MEF2C: variants seen among roughly 807,000 people sequenced by gnomAD.
MEF2C encodes myocyte-specific enhancer factor 2C.
Under a neutral mutation model 50.5 loss-of-function variants are expected in MEF2C, and 6 were observed. The observed-to-expected ratio is 0.12, with a 90% CI of 0.07 to 0.23. The LOEUF (loss-of-function observed/expected upper bound fraction) is 0.23. Ranked by LOEUF, MEF2C falls within the 10% of genes least tolerant of loss-of-function variation. MEF2C has a pLI of 1.00. For missense variants in MEF2C, 276 were observed against 605.0 expected (o/e 0.46, Z 5.70); for synonymous variants, 183 against 228.0 (o/e 0.80, Z 1.78).
chr5:88,779,967 A>T (rs1334928510), intron 3 of MEF2C, among the ~76,000 whole-genome samples: 4 of 152,048 alleles, frequency 2.6e-5, no homozygotes, highest in African/African-American at 7.2e-5. Flanking sequence ...CAAGATGGTG[A>T]AACCCCCTCT....
intron 1 of MEF2C, among the ~76,000 whole-genome samples, chr5:88,837,857 A>T (rs1204196222): frequency 6.6e-6 from 1 of 152,252 alleles, no homozygotes; most frequent in East Asian, 1.9e-4. Context: ...GAAGTTTAAT[A>T]AATACATAAT....
chr5:88,800,948 C>T (rs1015787923), intron 3 of MEF2C, among the ~76,000 whole-genome samples: 1 of 152,018 alleles, frequency 6.6e-6, no homozygotes, highest in Admixed American at 6.6e-5. Context: ...GTCTGTTAAG[C>T]CTTTGTGAGT....
At chr5:88,779,512 G>A (rs1786658754) in intron 3 of MEF2C, among the ~76,000 whole-genome samples, 1 of 152,092 alleles carries the variant, frequency 6.6e-6, no homozygotes, top group African/African-American at 2.4e-5. Flanking sequence ...CTTGTGCACA[G>A]TGAAATGGAA....
chr5:88,745,161 C>T (rs984739072), intron 6 of MEF2C, among the ~76,000 whole-genome samples: 3 of 152,188 alleles, frequency 2.0e-5, no homozygotes, highest in Non-Finnish European at 2.9e-5. Flanking sequence ...CAAACATTTA[C>T]CAAGTATCTG....
chr5:88,829,694 T>C (rs537401989), intron 1 of MEF2C, among the ~76,000 whole-genome samples: 1 of 152,028 alleles, frequency 6.6e-6, no homozygotes, highest in Non-Finnish European at 1.5e-5. Flanking sequence ...TATGTGGAAT[T>C]AGAATAATTG....
At chr5:88,789,171 C>CT (rs370986981) in intron 3 of MEF2C, among the ~76,000 whole-genome samples, 301 of 144,724 alleles carry the variant, frequency 2.1e-3, no homozygotes, top group Middle Eastern at 0.014. Context: ...TTTTGTAATA[C>CT]TTTTTTTTTT....
chr5:88,776,645 A>C (rs183041006), intron 3 of MEF2C, among the ~76,000 whole-genome samples: 11 of 152,320 alleles, frequency 7.2e-5, no homozygotes, highest in Admixed American at 6.5e-4. Flanking sequence ...AGAGGAAAGA[A>C]AGGGAGGGAG....
intron 1 of MEF2C, among the ~76,000 whole-genome samples, chr5:88,825,178 A>T (rs527458115): frequency 6.6e-6 from 1 of 151,922 alleles, no homozygotes; most frequent in South Asian, 2.1e-4. Flanking sequence ...AGTTCTTGGA[A>T]CAGGAAGGCT....
intron 3 of MEF2C, among the ~76,000 whole-genome samples, chr5:88,790,893 C>T (rs1288474435): frequency 6.6e-6 from 1 of 152,008 alleles, no homozygotes; most frequent in Non-Finnish European, 1.5e-5. Context: ...TTAGACAAAA[C>T]AAAAACAAAC....
chr5:88,720,837 C>A lies in MEF2C; in HGVS notation c.*1767G>T, dbSNP rs935032069. On this transcript the variant is annotated 3_prime_UTR_variant, in exon 11 of 11. Transcript: ENST00000504921. ...CATAGAGAGGTTCTTTATGGGATTT[C>A]TTGAAATGGCTATTAAATCTCTTTA... is the stretch of plus-strand genomic sequence containing the variant. The A allele has an allele frequency of 6.6e-6, 1 of 152,300 alleles. No individual in the cohort carries two copies. Among genetic ancestry groups the A allele is most frequent in the Non-Finnish European group, 1.5e-5 (1 of 67,962 alleles). 9.4% of individuals were successfully genotyped at this position (152,300 alleles called of 1,614,324 possible).
intron 3 of MEF2C, among the ~76,000 whole-genome samples, chr5:88,798,094 A>G (rs1458567602): frequency 1.3e-5 from 2 of 151,952 alleles, no homozygotes; most frequent in Non-Finnish European, 2.9e-5. Context: ...CCTTCATTCC[A>G]ACCTTGGTGA....
chr5:88,783,554 C>T (rs56260079), intron 3 of MEF2C, among the ~76,000 whole-genome samples: 5,640 of 152,118 alleles, frequency 0.037, 128 homozygotes, highest in Non-Finnish European at 0.053. Flanking sequence ...TGCTTGAACC[C>T]GGGAGGTGGA....
At chr5:88,789,808 A>G (rs1792872801) in intron 3 of MEF2C, among the ~76,000 whole-genome samples, 1 of 152,216 alleles carries the variant, frequency 6.6e-6, no homozygotes, top group South Asian at 2.1e-4. Context: ...AAAATGGGGT[A>G]TATTTCCAAT....
At chr5:88,804,017 A>T (rs1799375547) in intron 3 of MEF2C, among the ~76,000 whole-genome samples, 1 of 152,192 alleles carries the variant, frequency 6.6e-6, no homozygotes, top group Non-Finnish European at 1.5e-5. Flanking sequence ...CATGTATATT[A>T]ACAGTTTTCA....
At chr5:88,821,323 G>A (rs773683576) in intron 2 of MEF2C, among the ~76,000 whole-genome samples, 10 of 151,998 alleles carry the variant, frequency 6.6e-5, no homozygotes, top group Non-Finnish European at 8.8e-5. Flanking sequence ...TTGAAGTGTA[G>A]TAGTAACATG....
chr5:88,720,803 A>G lies in MEF2C; in HGVS notation c.*1801T>C, dbSNP rs544256951. The G allele has an allele frequency of 7.9e-5, 12 of 152,688 alleles. No homozygotes were observed. Among genetic ancestry groups the G allele is most frequent in the African/African-American group, 2.9e-4 (12 of 41,560 alleles). The allele number at this position is 152,688 out of a possible 1,614,324, so 9.5% of individuals were successfully genotyped here. Reference sequence around the variant, plus strand: ...ACAAGAGTCATTTTTTTTAAATTAAAAAAAGGGACATAGAGAGGTTCTTTA... The same window carrying G: ...ACAAGAGTCATTTTTTTTAAATTAAGAAAAGGGACATAGAGAGGTTCTTTA... On this transcript the variant is annotated 3_prime_UTR_variant, in exon 11 of 11. Coordinates refer to ENST00000504921, the MANE Select transcript of MEF2C (RefSeq NM_002397.5).
At chr5:88,822,559 T>A (rs966281189) in intron 2 of MEF2C, among the ~76,000 whole-genome samples, 1 of 151,914 alleles carries the variant, frequency 6.6e-6, no homozygotes, top group African/African-American at 2.4e-5. Context: ...CCTAAAAGTT[T>A]CTCTACTTTT....
At chr5:88,795,266 CT>C (rs1379051102) in intron 3 of MEF2C, among the ~76,000 whole-genome samples, 1 of 152,162 alleles carries the variant, frequency 6.6e-6, no homozygotes, top group Non-Finnish European at 1.5e-5. Context: ...TAGATTCTTC[CT>C]ATCCGTGAGC....
chr5:88,893,747 T>G (rs1399091177), intron 1 of MEF2C, among the ~76,000 whole-genome samples: 1 of 145,174 alleles, frequency 6.9e-6, no homozygotes, highest in Non-Finnish European at 1.6e-5. Flanking sequence ...TATTCTAATT[T>G]CTTAGGAAGA....
Sources: allele counts gnomAD v4.1 joint callset (sites outside exome capture counted in the v4.1 genomes callset), GRCh38; gene constraint gnomAD v4.1.1; transcripts MANE v1.5; gene names NCBI Gene and HGNC (gene_info 2026-07-23, HGNC 2026-07-21).